The following EDIL3 variants were observed in gnomAD, a reference collection of about 807,000 sequenced individuals.
The protein encoded by EDIL3 is EGF-like repeat and discoidin I-like domain-containing protein 3.
EDIL3 carries 37 observed loss-of-function variants against 67.4 expected under a neutral mutation model. The ratio of observed to expected loss-of-function variants is 0.55; its 90% CI spans 0.42 to 0.72. The LOEUF (loss-of-function observed/expected upper bound fraction) is 0.72, where lower values mean the gene tolerates loss of function less well. Among genes scored for constraint, EDIL3 ranks in the 30% least tolerant of loss-of-function variants. The probability of loss-of-function intolerance (pLI) is 0.00; values close to 1 mark genes in which losing one functional copy is unlikely to be tolerated. For missense variants in EDIL3, 527 were observed against 586.3 expected (o/e 0.90, Z 1.04); for synonymous variants, 195 against 196.3 (o/e 0.99, Z 0.05).
intron 1 of EDIL3, among the ~76,000 whole-genome samples, chr5:84,303,808 C>CTGTGTGTGTGTGTG (rs199605264): frequency 5.9e-5 from 8 of 135,358 alleles, no homozygotes; most frequent in Non-Finnish European, 9.5e-5. Flanking sequence ...CTCTCTCTCT[C>CTGTGTGTGTGTGTG]TGTGTGTGTG....
intron 10 of EDIL3, 144 bp downstream of exon 10, chr5:83,963,061 C>T: frequency 8.7e-7 from 1 of 1,155,650 alleles, no homozygotes; most frequent in Non-Finnish European, 1.1e-6. Context: ...CAGTACTATT[C>T]TTTAAAGCTT....
intron 1 of EDIL3, among the ~76,000 whole-genome samples, chr5:84,356,227 TTAAA>T (rs1747477766): frequency 6.6e-6 from 1 of 152,234 alleles, no homozygotes; most frequent in Non-Finnish European, 1.5e-5. Flanking sequence ...ATTATGTCTT[TTAAA>T]TGAACTGATA....
chr5:84,327,312 A>T (rs542748260), intron 1 of EDIL3, among the ~76,000 whole-genome samples: 12 of 152,022 alleles, frequency 7.9e-5, no homozygotes, highest in Admixed American at 5.9e-4. Flanking sequence ...GCTTAATGAA[A>T]CCATTCTTTT....
At chr5:84,280,947 C>CAAAAAAAAAAAAAAAAAA (rs11302104) in intron 1 of EDIL3, among the ~76,000 whole-genome samples, 1 of 70,198 alleles carries the variant, frequency 1.4e-5, no homozygotes, top group Non-Finnish European at 2.5e-5. Context: ...AAGACTCTGT[C>CAAAAAAAAAAAAAAAAAA]AAAAAAAAAA....
chr5:84,096,975 C>T (rs1481218280), intron 6 of EDIL3, among the ~76,000 whole-genome samples: 1 of 152,160 alleles, frequency 6.6e-6, no homozygotes, highest in Non-Finnish European at 1.5e-5. Flanking sequence ...ACGTAAATGT[C>T]ACTTGCTCCT....
At chr5:84,330,046 A>G (rs1354932751) in intron 1 of EDIL3, among the ~76,000 whole-genome samples, 2 of 152,268 alleles carry the variant, frequency 1.3e-5, no homozygotes, top group Admixed American at 1.3e-4. Context: ...ATCTGAAGTC[A>G]TTTTTCAGAA....
intron 1 of EDIL3, among the ~76,000 whole-genome samples, chr5:84,345,586 G>T (rs1025432742): frequency 6.6e-6 from 1 of 152,134 alleles, no homozygotes; most frequent in Non-Finnish European, 1.5e-5. Flanking sequence ...AAAAGTTCAT[G>T]TCACAATTAA....
At chr5:84,367,321 TGG>T (rs1747759567) in intron 1 of EDIL3, among the ~76,000 whole-genome samples, 1 of 152,104 alleles carries the variant, frequency 6.6e-6, no homozygotes, top group Admixed American at 6.5e-5. Context: ...CCTCCCAAGC[TGG>T]AATGCAGTGG....
chr5:84,206,499 C>T (rs1045491391), intron 3 of EDIL3, among the ~76,000 whole-genome samples: 1 of 152,118 alleles, frequency 6.6e-6, no homozygotes, highest in Admixed American at 6.5e-5. Context: ...CCTTCTGAAA[C>T]TATTCCAATC....
At chr5:84,073,491 C>T (rs1703205197) in intron 6 of EDIL3, among the ~76,000 whole-genome samples, 1 of 152,178 alleles carries the variant, frequency 6.6e-6, no homozygotes, top group Admixed American at 6.5e-5. Context: ...TAAGCAACTT[C>T]GGCAAAGTCT....
chr5:84,384,162 C>T (rs1170029756), intron 1 of EDIL3, 146 bp downstream of exon 1: 3 of 977,436 alleles, frequency 3.1e-6, no homozygotes, highest in Non-Finnish European at 4.6e-6. Context: ...TCTCGGGGCA[C>T]CCAGGACTCG....
At chr5:84,154,934 A>G (rs1748464582) in intron 4 of EDIL3, among the ~76,000 whole-genome samples, 1 of 152,030 alleles carries the variant, frequency 6.6e-6, no homozygotes, top group Non-Finnish European at 1.5e-5. Context: ...TCCTGACTTC[A>G]GGCAATCCTC....
intron 9 of EDIL3, among the ~76,000 whole-genome samples, chr5:84,017,960 A>C (rs976404389): frequency 4.6e-5 from 7 of 151,940 alleles, no homozygotes; most frequent in African/African-American, 1.7e-4. Context: ...AACAAATAAC[A>C]CTCTCCCAAT....
chr5:84,344,147 C>A (rs1003632902), intron 1 of EDIL3, among the ~76,000 whole-genome samples: 1 of 152,106 alleles, frequency 6.6e-6, no homozygotes, highest in Non-Finnish European at 1.5e-5. Flanking sequence ...CCAGTATAGA[C>A]ACAAAGTTTG....
At chr5:84,084,856 A>C (rs904776668) in intron 6 of EDIL3, among the ~76,000 whole-genome samples, 2 of 152,224 alleles carry the variant, frequency 1.3e-5, no homozygotes, top group African/African-American at 2.4e-5. Flanking sequence ...TAAGAGGTGG[A>C]AACCACTGAA....
At chr5:84,151,361 A>G (rs1748386648) in intron 4 of EDIL3, among the ~76,000 whole-genome samples, 1 of 152,046 alleles carries the variant, frequency 6.6e-6, no homozygotes, top group African/African-American at 2.4e-5. Context: ...TCTCAAATTC[A>G]CAAAAGAAAG....
At position 84,216,633 on chromosome 5, in the gene EDIL3, C is replaced by G. The variant is rs183295952; in HGVS notation, c.226+13222G>C. ...TTCTCCTCTTTAAATTATGTATATG[C>G]AGCATTTGGCAGTATTTGTTAATTG... On this transcript the variant is annotated intron_variant, in intron 3 of 10. Transcript: ENST00000296591. Among the ~76,000 whole-genome samples the G allele has an allele frequency of 1.9e-3, 296 of 152,258 alleles. 1 individual carries two copies. Among genetic ancestry groups the G allele is most frequent in the African/African-American group, 6.8e-3 (283 of 41,550 alleles).
intron 4 of EDIL3, among the ~76,000 whole-genome samples, chr5:84,172,597 C>T (rs1394605080): frequency 6.6e-6 from 1 of 150,792 alleles, no homozygotes; most frequent in Non-Finnish European, 1.5e-5. Flanking sequence ...AACAAAACAA[C>T]AACAACAACA....
At chr5:84,384,037 G>C (rs891917787) in intron 1 of EDIL3, among the ~76,000 whole-genome samples, 1 of 152,118 alleles carries the variant, frequency 6.6e-6, no homozygotes, top group Non-Finnish European at 1.5e-5. Flanking sequence ...TGGTCCTGGG[G>C]ACGCTGTCTT....
Sources: allele counts gnomAD v4.1 joint callset (sites outside exome capture counted in the v4.1 genomes callset), GRCh38; gene constraint gnomAD v4.1.1; transcripts MANE v1.5; gene names NCBI Gene and HGNC (gene_info 2026-07-23, HGNC 2026-07-21).